Variants in MIPOL1 observed in about 807,000 individuals in gnomAD.
The protein encoded by MIPOL1 is mirror-image polydactyly 1.
A neutral mutation model predicts 60.9 loss-of-function variants in MIPOL1; 57 were observed. That is an observed-to-expected ratio of 0.94 (90% confidence interval 0.76 to 1.17). The LOEUF is 1.17. Ranked by LOEUF, MIPOL1 falls within the 50% of genes most tolerant of loss-of-function variation. MIPOL1 has a pLI of 0.00. For missense variants in MIPOL1, 551 were observed against 511.6 expected (o/e 1.08, Z -0.74); for synonymous variants, 179 against 168.8 (o/e 1.06, Z -0.47).
At chr14:37,371,726 T>C (rs752572583) in intron 10 of MIPOL1, among the ~76,000 whole-genome samples, 3 of 152,178 alleles carry the variant, frequency 2.0e-5, no homozygotes. Context: ...GCTCTAAAGT[T>C]GTTCTGAAAA....
intron 10 of MIPOL1, among the ~76,000 whole-genome samples, chr14:37,393,883 G>T (rs2093310672): frequency 1.3e-5 from 2 of 148,528 alleles, no homozygotes; most frequent in African/African-American, 5.0e-5. Flanking sequence ...AAAGTCCATT[G>T]TATCATTCTT....
Position 37,426,594 on chromosome 14 carries a change from T to TATATATATATAC in MIPOL1, c.1031+3646_1031+3647insTATATATATACA, listed in dbSNP as rs1447990257. On this transcript the variant is annotated intron_variant, in intron 11 of 12. Coordinates refer to ENST00000684589, the MANE Select transcript of MIPOL1 (RefSeq NM_001388067.1). ...ACATATATATATATATATATATATA[T>TATATATATATAC]ACACACACACATACATATATAATAT... 5.3e-3 allele frequency among the ~76,000 whole-genome samples: 667 copies of TATATATATATAC among 125,356 alleles called. 6 individuals are homozygous for TATATATATATAC. The highest frequency in any genetic ancestry group is 0.013 in the East Asian group (54 of 4,236). The allele number at this position is 125,356 out of a possible 152,430, so 82.2% of individuals were successfully genotyped here.
intron 11 of MIPOL1, among the ~76,000 whole-genome samples, chr14:37,454,782 A>C (rs2094458787): frequency 6.6e-6 from 1 of 152,214 alleles, no homozygotes; most frequent in African/African-American, 2.4e-5. Context: ...CTAGGTAATA[A>C]ATTTTACTTC....
At chr14:37,462,478 A>G (rs2094551057) in intron 11 of MIPOL1, among the ~76,000 whole-genome samples, 1 of 152,250 alleles carries the variant, frequency 6.6e-6, no homozygotes, top group South Asian at 2.1e-4. Context: ...GTTCCAAGCT[A>G]CTTATGCAAA....
At chr14:37,338,536 A>G (rs2090358458) in intron 9 of MIPOL1, among the ~76,000 whole-genome samples, 2 of 151,550 alleles carry the variant, frequency 1.3e-5, no homozygotes, top group Admixed American at 6.6e-5. Flanking sequence ...AGCCTCCTGA[A>G]TAACTGGGAC....
At chr14:37,324,575 G>C (rs952115383) in intron 9 of MIPOL1, among the ~76,000 whole-genome samples, 1 of 151,918 alleles carries the variant, frequency 6.6e-6, no homozygotes, top group African/African-American at 2.4e-5. Context: ...AAATTTTGAT[G>C]ACATCTAATT....
In MIPOL1 at chr14:37,227,717, C is replaced by CT. The variant is rs1380112646; in HGVS notation, c.-198-19385dup. The CT allele has an allele frequency of 2.0e-5, 3 of 152,150 alleles. No individual in the cohort carries two copies. In the East Asian group the frequency reaches 5.8e-4, roughly 29 times the overall value. 9.4% of individuals were successfully genotyped at this position (152,150 alleles called of 1,614,324 possible). A position where few individuals can be genotyped will look rare whatever the true frequency, so the allele number is the denominator to read the frequency against. On this transcript the variant is annotated intron_variant, in intron 1 of 12. Coordinates refer to ENST00000684589, the MANE Select transcript of MIPOL1 (RefSeq NM_001388067.1). ...CACCCAAATAATTTTTGGTGTTTCACTCATACAGAGTTTGGCTTAGAGATT... is the reference window on the plus strand; with the variant it reads ...CACCCAAATAATTTTTGGTGTTTCACTTCATACAGAGTTTGGCTTAGAGATT...
At chr14:37,482,728 G>C (rs191000453) in intron 11 of MIPOL1, among the ~76,000 whole-genome samples, 11 of 152,178 alleles carry the variant, frequency 7.2e-5, no homozygotes, top group African/African-American at 2.7e-4. Context: ...TGCAATTCAA[G>C]ATGAGATTTG....
At chr14:37,505,463 T>C (rs2095266667) in intron 12 of MIPOL1, 1 of 152,168 alleles carries the variant, frequency 6.6e-6, no homozygotes, top group East Asian at 1.9e-4. Flanking sequence ...TGCACATCAA[T>C]AAACGTAATC....
chr14:37,288,940 AG>A (rs1284567661), intron 7 of MIPOL1, among the ~76,000 whole-genome samples: 4 of 152,246 alleles, frequency 2.6e-5, no homozygotes, highest in Non-Finnish European at 4.4e-5. Flanking sequence ...TATGAAAGAA[AG>A]AAAGAAGCAC....
intron 10 of MIPOL1, among the ~76,000 whole-genome samples, chr14:37,422,150 CT>C (rs1166371568): frequency 1.3e-5 from 2 of 151,862 alleles, no homozygotes; most frequent in African/African-American, 2.4e-5. Flanking sequence ...GTGGCAAATT[CT>C]TTTTAAATTA....
chr14:37,261,267 G>T (rs767850254), intron 3 of MIPOL1, among the ~76,000 whole-genome samples: 3 of 150,558 alleles, frequency 2.0e-5, no homozygotes, highest in Non-Finnish European at 4.4e-5. Flanking sequence ...AGATTATTTG[G>T]GCCAAAAGAA....
intron 11 of MIPOL1, among the ~76,000 whole-genome samples, chr14:37,484,282 A>G (rs999477897): frequency 2.0e-5 from 3 of 148,120 alleles, no homozygotes; most frequent in Non-Finnish European, 4.5e-5. Context: ...TTGTTTTTTT[A>G]GCTCTATCCT....
intron 9 of MIPOL1, among the ~76,000 whole-genome samples, chr14:37,319,628 A>G (rs2088330573): frequency 6.6e-6 from 1 of 152,182 alleles, no homozygotes; most frequent in Non-Finnish European, 1.5e-5. Context: ...GGAGAGGAAT[A>G]GATTTGAAAG....
intron 9 of MIPOL1, among the ~76,000 whole-genome samples, chr14:37,318,812 T>TTAGTTAGTTAG (rs1202716144): frequency 7.1e-6 from 1 of 140,624 alleles, no homozygotes; most frequent in Admixed American, 7.0e-5. Flanking sequence ...TATTTATTTA[T>TTAGTTAGTTAG]TTATTTATTT....
chr14:37,482,242 C>A (rs936680827), intron 11 of MIPOL1, among the ~76,000 whole-genome samples: 1 of 152,026 alleles, frequency 6.6e-6, no homozygotes, highest in South Asian at 2.1e-4. Context: ...AAACAAAACA[C>A]CCAGTTTAAA....
rs111459166 is a variant in MIPOL1, at chr14:37,391,769, C to A, written c.936+22145C>A. ...AAATTAAAGTCCATGAGAAAAATAA[C>A]CCTTAAGCCTAGAACTGGGTAATGG... On this transcript the variant is annotated intron_variant, in intron 10 of 12. Coordinates refer to ENST00000684589, the MANE Select transcript of MIPOL1 (RefSeq NM_001388067.1). 7.3e-3 allele frequency among the ~76,000 whole-genome samples: 1,106 copies of A among 152,122 alleles called. 15 individuals carry two copies. The highest frequency in any genetic ancestry group is 0.025 in the African/African-American group (1,035 of 41,514).
At chr14:37,545,316 CAAGTT>C (rs982507413) in intron 12 of MIPOL1, among the ~76,000 whole-genome samples, 13 of 152,148 alleles carry the variant, frequency 8.5e-5, no homozygotes, top group African/African-American at 2.9e-4. Context: ...TTGCACAACT[CAAGTT>C]AATTAAACAT....
intron 7 of MIPOL1, among the ~76,000 whole-genome samples, chr14:37,306,333 A>C (rs994787064): frequency 6.6e-6 from 1 of 151,872 alleles, no homozygotes; most frequent in Non-Finnish European, 1.5e-5. Context: ...TGGTCATATA[A>C]AATTCTTTGA....
Sources: allele counts gnomAD v4.1 joint callset (sites outside exome capture counted in the v4.1 genomes callset), GRCh38; gene constraint gnomAD v4.1.1; transcripts MANE v1.5; gene names NCBI Gene and HGNC (gene_info 2026-07-23, HGNC 2026-07-21).